PPFIA1: variants seen among roughly 807,000 people sequenced by gnomAD.
The protein encoded by PPFIA1 is liprin-alpha-1.
A neutral mutation model predicts 149.9 loss-of-function variants in PPFIA1; 25 were observed. The ratio of observed to expected loss-of-function variants is 0.17; its 90% CI spans 0.12 to 0.23. PPFIA1 has a LOEUF of 0.23. Among genes scored for constraint, PPFIA1 ranks in the 10% least tolerant of loss-of-function variants. The pLI is 1.00. For missense variants in PPFIA1, 1,362 were observed against 1,506.5 expected, an observed-to-expected ratio of 0.90 and a Z score of 1.59; for synonymous variants, 549 against 552.8, an observed-to-expected ratio of 0.99 and a Z score of 0.10.
In PPFIA1 at chr11:70,342,887, A is replaced by G. The variant is rs142624923; in HGVS notation, c.1708-782A>G. Among the ~76,000 whole-genome samples, 709 of 145,560 alleles carry G rather than the reference A, an allele frequency of 4.9e-3. 7 individuals are homozygous for G. The highest frequency in any genetic ancestry group is 0.018 in the African/African-American group (683 of 38,926). ...CCTTACGTATTTCTCTTTTCTTTACACTAGGAACATTCAAGTTATTCCCTT... is the reference window on the plus strand; with the variant it reads ...CCTTACGTATTTCTCTTTTCTTTACGCTAGGAACATTCAAGTTATTCCCTT... On this transcript the variant is annotated intron_variant, in intron 14 of 27. Coordinates refer to ENST00000253925, the MANE Select transcript of PPFIA1 (RefSeq NM_003626.5).
At chr11:70,291,168 G>A (rs11235760) in intron 2 of PPFIA1, among the ~76,000 whole-genome samples, 10,664 of 152,122 alleles carry the variant, frequency 0.07, 1,317 homozygotes, top group African/African-American at 0.25. Context: ...TTACAGGCGT[G>A]AGCCACCACG....
In PPFIA1 at chr11:70,339,341, G is replaced by A. The variant is rs1425829433; in HGVS notation, c.1707+35G>A. 5.6e-6 allele frequency: 9 copies of A among 1,594,388 alleles called. 1 individual carries two copies. Among genetic ancestry groups the A allele is most frequent in the Non-Finnish European group, 6.9e-6 (8 of 1,166,060 alleles). ...TTGTGTGAAATACCTCTGCTTACGT[G>A]AAAGTTACCTACTTATCCCGTGGCT... On this transcript the variant is annotated intron_variant, in intron 14 of 27. Transcript: ENST00000253925.
intron 14 of PPFIA1, among the ~76,000 whole-genome samples, chr11:70,342,397 C>CA (rs775836901): frequency 6.6e-6 from 1 of 152,142 alleles, no homozygotes; most frequent in Non-Finnish European, 1.5e-5. Flanking sequence ...AGTGAGGTGG[C>CA]ATGAAAGAAT....
intron 2 of PPFIA1, among the ~76,000 whole-genome samples, chr11:70,287,599 G>A (rs1467010239): frequency 1.3e-5 from 2 of 151,498 alleles, no homozygotes; most frequent in Non-Finnish European, 2.9e-5. Context: ...AAAGTGTTGA[G>A]ATTACAGGCA....
intron 25 of PPFIA1, among the ~76,000 whole-genome samples, chr11:70,377,084 C>G (rs1200982867): frequency 6.6e-6 from 1 of 151,450 alleles, no homozygotes; most frequent in Non-Finnish European, 1.5e-5. Context: ...AAAAGAAACC[C>G]CCTCCCCGCA....
chr11:70,291,524 G>A (rs193244090), intron 2 of PPFIA1, among the ~76,000 whole-genome samples: 4 of 152,294 alleles, frequency 2.6e-5, no homozygotes, highest in East Asian at 1.9e-4. Context: ...ATGCTGAGGC[G>A]TTCACACTGG....
At chr11:70,365,759 C>G (rs1028615981) in intron 21 of PPFIA1, 46 of 368,428 alleles carry the variant, frequency 1.2e-4, no homozygotes, top group African/African-American at 9.8e-4. Flanking sequence ...CGGAGAGAGT[C>G]TGCTCCTTGC....
intron 14 of PPFIA1, among the ~76,000 whole-genome samples, chr11:70,341,366 A>G (rs1401865579): frequency 6.6e-6 from 1 of 151,978 alleles, no homozygotes; most frequent in Non-Finnish European, 1.5e-5. Context: ...AGTGCCAACA[A>G]GATTTGCTGA....
intron 2 of PPFIA1, chr11:70,279,306 C>G: frequency 4.4e-6 from 1 of 229,676 alleles, no homozygotes; most frequent in Non-Finnish European, 8.5e-6. Flanking sequence ...ATTTTCAATT[C>G]TGCTGAAGCT....
rs1440375622 is a variant in PPFIA1 at position 70,378,104 on chromosome 11, T to C, written c.3459T>C (p.Ala1153=). The change falls in exon 26 of 28, where the codon GCT becomes GCC. Residue 1153 remains alanine (A), a synonymous_variant. Coordinates refer to ENST00000253925, the MANE Select transcript of PPFIA1 (RefSeq NM_003626.5). ...GACCAAAGGACATTCGTGGCTTAGC[T>C]GCTGGGTCAGCAGAGACTCTCCCTG... ...KFRPKDIRGL[A]AGSAETLPAN... 1.2e-6 allele frequency: 2 copies of C among 1,614,078 alleles called. No individual in the cohort carries two copies. Among genetic ancestry groups the C allele is most frequent in the East Asian group, 2.2e-5 (1 of 44,900 alleles).
intron 21 of PPFIA1, chr11:70,366,007 A>C (rs985114566): frequency 4.4e-6 from 2 of 450,238 alleles, no homozygotes; most frequent in African/African-American, 4.0e-5. Flanking sequence ...CTACATGTAC[A>C]GCAGCAAAAA....
intron 21 of PPFIA1, chr11:70,365,755 G>A (rs919555671): frequency 1.4e-5 from 5 of 363,488 alleles, no homozygotes; most frequent in Non-Finnish European, 2.7e-5. Context: ...GGCACGGAGA[G>A]AGTCTGCTCC....
intron 2 of PPFIA1, among the ~76,000 whole-genome samples, chr11:70,312,773 C>T (rs578009284): frequency 2.0e-5 from 3 of 152,294 alleles, no homozygotes; most frequent in South Asian, 2.1e-4. Context: ...ATCTGGGCTG[C>T]GGACATTGAC....
At chr11:70,372,066 GAA>G in intron 21 of PPFIA1, 147 bp from the exon 22 acceptor site, 6 of 626,458 alleles carry the variant, frequency 9.6e-6, no homozygotes, top group Non-Finnish European at 1.5e-5. Context: ...TAAAAGGTGA[GAA>G]GAGATCAAAT....
At chr11:70,334,166 A>G (rs917303355) in intron 10 of PPFIA1, among the ~76,000 whole-genome samples, 1 of 152,138 alleles carries the variant, frequency 6.6e-6, no homozygotes, top group Non-Finnish European at 1.5e-5. Flanking sequence ...AATATGGAAC[A>G]TCCAGGAAAA....
At chr11:70,361,361 T>A (rs1212338337) in intron 19 of PPFIA1, among the ~76,000 whole-genome samples, 1 of 152,194 alleles carries the variant, frequency 6.6e-6, no homozygotes, top group East Asian at 1.9e-4. Flanking sequence ...AGACTTCAAA[T>A]CATCTCTAGG....
chr11:70,328,050 AT>A (rs1842921725), intron 7 of PPFIA1, among the ~76,000 whole-genome samples: 1 of 152,224 alleles, frequency 6.6e-6, no homozygotes, highest in South Asian at 2.1e-4. Context: ...GAATTTTGAA[AT>A]TCTTTTAAGA....
intron 2 of PPFIA1, among the ~76,000 whole-genome samples, chr11:70,301,492 A>G (rs1158757462): frequency 1.3e-5 from 2 of 152,246 alleles, no homozygotes; most frequent in African/African-American, 4.8e-5. Context: ...TAAGGTAATT[A>G]TGAGTGCCTT....
In PPFIA1 at chr11:70,281,442, C is replaced by T. The variant is rs139102306; in HGVS notation, c.264+9006C>T. Among the ~76,000 whole-genome samples the T allele has an allele frequency of 5.8e-3, 880 of 152,262 alleles. 10 individuals carry two copies. The highest frequency in any genetic ancestry group is 0.041 in the Middle Eastern group (12 of 294). On this transcript the variant is annotated intron_variant, in intron 2 of 27. Coordinates refer to ENST00000253925, the MANE Select transcript of PPFIA1 (RefSeq NM_003626.5). ...GTTTCCCAGGGCCCCTCTTTCTTGG[C>T]GTGTCCTGGAGCCCAAGTTTTGTCT... is the stretch of plus-strand genomic sequence containing the variant.
Sources: allele counts gnomAD v4.1 joint callset (sites outside exome capture counted in the v4.1 genomes callset), GRCh38; gene constraint gnomAD v4.1.1; transcripts MANE v1.5; gene names NCBI Gene and HGNC (gene_info 2026-07-23, HGNC 2026-07-21).